The following CACNB2 variants were observed in gnomAD, a reference collection of about 807,000 sequenced individuals.
CACNB2 encodes calcium voltage-gated channel auxiliary subunit beta 2.
CACNB2 carries 42 observed loss-of-function variants against 73.3 expected under a neutral mutation model. That is an observed-to-expected ratio of 0.57 (90% confidence interval 0.45 to 0.74). The LOEUF is 0.74. Ranked by LOEUF, CACNB2 falls within the 30% of genes least tolerant of loss-of-function variation. The pLI, the probability that CACNB2 is intolerant of heterozygous loss-of-function variation, is 0.00. For missense variants in CACNB2, 940 were observed against 853.0 expected, an observed-to-expected ratio of 1.10 and a Z score of -1.27; for synonymous variants, 348 against 310.3, an observed-to-expected ratio of 1.12 and a Z score of -1.28.
At chr10:18,360,377 A>G (rs1344033797) in intron 2 of CACNB2, among the ~76,000 whole-genome samples, 1 of 152,060 alleles carries the variant, frequency 6.6e-6, no homozygotes, top group East Asian at 1.9e-4. Context: ...ACATGTGTGC[A>G]CCACTATACC....
intron 2 of CACNB2, among the ~76,000 whole-genome samples, chr10:18,256,180 C>T (rs969891510): frequency 6.6e-6 from 1 of 152,054 alleles, no homozygotes; most frequent in African/African-American, 2.4e-5. Context: ...TAAGATATCT[C>T]GTATTATAAC....
chr10:18,434,828 G>C (rs865978180), intron 3 of CACNB2, among the ~76,000 whole-genome samples: 18 of 152,334 alleles, frequency 1.2e-4, no homozygotes, highest in Middle Eastern at 3.4e-3. Flanking sequence ...CACTCCCCTA[G>C]CTATCAGAGT....
intron 2 of CACNB2, among the ~76,000 whole-genome samples, chr10:18,314,829 C>A (rs953480340): frequency 6.6e-6 from 1 of 152,148 alleles, no homozygotes; most frequent in African/African-American, 2.4e-5. Context: ...ATTACTTCAT[C>A]CTGAAAACCT....
rs777739158 is a variant in CACNB2, at chr10:18,386,349, G to A, written c.214-15575G>A. Among the ~76,000 whole-genome samples, 7 of 147,780 alleles carry A rather than the reference G, an allele frequency of 4.7e-5. No homozygotes were observed. The East Asian group carries it at 1.2e-3, about 25-fold the overall frequency. The stretch of plus-strand genomic sequence containing the variant: ...TTGTCAGCATATGATGACATATTCT[G>A]TATATATCATCAGTATATGAGCAAC... On this transcript the variant is annotated intron_variant, in intron 2 of 13. Transcript: ENST00000324631.
chr10:18,525,612 T>A (rs747345782), intron 9 of CACNB2, among the ~76,000 whole-genome samples: 7 of 152,280 alleles, frequency 4.6e-5, no homozygotes, highest in Non-Finnish European at 7.4e-5. Context: ...AAAATATGTC[T>A]TGGTGTGGGT....
At chr10:18,479,392 C>T (rs958198713) in intron 3 of CACNB2, among the ~76,000 whole-genome samples, 4 of 152,030 alleles carry the variant, frequency 2.6e-5, no homozygotes, top group African/African-American at 7.2e-5. Context: ...AATAAAAATT[C>T]TAGTTAGATG....
At chr10:18,396,367 A>C (rs1041341735) in intron 2 of CACNB2, among the ~76,000 whole-genome samples, 2 of 152,234 alleles carry the variant, frequency 1.3e-5, no homozygotes, top group African/African-American at 4.8e-5. Context: ...CTGTGAAAAG[A>C]GATGACAACA....
intron 3 of CACNB2, among the ~76,000 whole-genome samples, chr10:18,450,509 A>T (rs547460488): frequency 3.0e-4 from 46 of 152,254 alleles, no homozygotes; most frequent in Non-Finnish European, 5.0e-4. Context: ...GCCGTAAGGA[A>T]TCCCCCAGGA....
chr10:18,320,834 T>A (rs568393371), intron 2 of CACNB2, among the ~76,000 whole-genome samples: 52 of 152,314 alleles, frequency 3.4e-4, no homozygotes, highest in African/African-American at 1.2e-3. Flanking sequence ...TTTGTCTGAT[T>A]TTTTTGCACA....
At chr10:18,272,529 T>TCCCA (rs1330946025) in intron 2 of CACNB2, among the ~76,000 whole-genome samples, 2 of 152,188 alleles carry the variant, frequency 1.3e-5, no homozygotes, top group African/African-American at 4.8e-5. Context: ...GGCTCTGTGT[T>TCCCA]CCCACCCAAA....
intron 10 of CACNB2, among the ~76,000 whole-genome samples, chr10:18,530,383 T>C (rs2052882060): frequency 6.6e-6 from 1 of 151,990 alleles, no homozygotes; most frequent in Non-Finnish European, 1.5e-5. Flanking sequence ...AAATCTTGTA[T>C]ATATAGACAG....
intron 4 of CACNB2, among the ~76,000 whole-genome samples, chr10:18,499,211 T>A (rs984054718): frequency 6.6e-6 from 1 of 152,198 alleles, no homozygotes; most frequent in Admixed American, 6.5e-5. Context: ...AAGGAATTTA[T>A]ACTTGGAGCT....
At chr10:18,185,524 T>A (rs1242633463) in intron 2 of CACNB2, among the ~76,000 whole-genome samples, 1 of 152,224 alleles carries the variant, frequency 6.6e-6, no homozygotes, top group Non-Finnish European at 1.5e-5. Context: ...TTGAAAGGAA[T>A]GAATTTGTTC....
chr10:18,149,101 A>T lies in CACNB2; in HGVS notation c.121-1782A>T, dbSNP rs533090949. 3.9e-5 allele frequency among the ~76,000 whole-genome samples: 6 copies of T among 152,200 alleles called. No individual in the cohort carries two copies. The South Asian group carries it at 1.2e-3, about 32-fold the overall frequency. On this transcript the variant is annotated intron_variant, in intron 1 of 13. Coordinates refer to ENST00000324631, the MANE Select transcript of CACNB2 (RefSeq NM_201596.3). ...AGGATAAACGGTGAATTTAACAAAG[A>T]TTGTCGCTACACCCCCAAAGAAACA...
intron 1 of CACNB2, among the ~76,000 whole-genome samples, chr10:18,147,385 T>G (rs994617401): frequency 4.0e-5 from 6 of 149,596 alleles, no homozygotes; most frequent in Admixed American, 6.7e-5. Flanking sequence ...AATATAAGAG[T>G]TTTTTTTTTC....
chr10:18,228,382 G>A (rs1476305805), intron 2 of CACNB2, among the ~76,000 whole-genome samples: 1 of 122,528 alleles, frequency 8.2e-6, no homozygotes, highest in Admixed American at 1.2e-4. Context: ...GCGGTGAGCC[G>A]AGATGGCGAC....
At chr10:18,410,316 C>T (rs578251883) in intron 3 of CACNB2, among the ~76,000 whole-genome samples, 2 of 152,248 alleles carry the variant, frequency 1.3e-5, no homozygotes, top group South Asian at 4.2e-4. Context: ...CAGGAGGAAG[C>T]ATTAGTTCAG....
intron 2 of CACNB2, among the ~76,000 whole-genome samples, chr10:18,190,847 G>C (rs1288137450): frequency 6.6e-6 from 1 of 152,232 alleles, no homozygotes; most frequent in Non-Finnish European, 1.5e-5. Flanking sequence ...GGGCAGGAAA[G>C]ATAAGATGAG....
chr10:18,152,740 C>CCAAAA (rs2031699422), intron 2 of CACNB2, among the ~76,000 whole-genome samples: 2 of 97,464 alleles, frequency 2.1e-5, no homozygotes, highest in African/African-American at 8.2e-5. Context: ...AAACAAAAAA[C>CCAAAA]AAAACACTAG....
Sources: gnomAD v4.1 joint callset for allele counts (sites outside exome capture counted in the v4.1 genomes callset) on GRCh38, gnomAD v4.1.1 for gene constraint, MANE v1.5 for transcripts, NCBI Gene and HGNC (gene_info 2026-07-23, HGNC 2026-07-21) for gene names.